VPS53: variants seen among roughly 807,000 people sequenced by gnomAD.
VPS53 encodes VPS53 subunit of GARP complex, also known as vacuolar protein sorting-associated protein 53 homolog.
In VPS53, 70 loss-of-function variants were observed where a neutral mutation model predicts 107.0. That is an observed-to-expected ratio of 0.65 (90% confidence interval 0.54 to 0.80). The LOEUF (loss-of-function observed/expected upper bound fraction) is 0.80. VPS53 is among the 30% of genes least tolerant of loss of function. The pLI is 0.00. For synonymous variants in VPS53, 409 were observed against 393.3 expected (o/e 1.04, Z -0.47); for missense variants, 917 against 1,049.4 (o/e 0.87, Z 1.74).
chr17:550,979 T>C (rs1911766354), intron 17 of VPS53, among the ~76,000 whole-genome samples: 1 of 152,148 alleles, frequency 6.6e-6, no homozygotes, highest in Non-Finnish European at 1.5e-5. Context: ...AGTCAGAAGT[T>C]ACTACTTTAA....
chr17:697,586 C>T, intron 3 of VPS53, 102 bp from the exon 4 acceptor site: 1 of 948,228 alleles, frequency 1.1e-6, no homozygotes, highest in Non-Finnish European at 1.6e-6. Context: ...CTTCTGCAGA[C>T]TGCACCTAAT....
At chr17:539,204 T>C (rs1167207519) in intron 17 of VPS53, 1 of 152,196 alleles carries the variant, frequency 6.6e-6, no homozygotes, top group East Asian at 1.9e-4. Flanking sequence ...CAGCCCTCCA[T>C]GAAAGAAGGT....
At chr17:654,903 C>CAAAT (rs1971124098) in intron 6 of VPS53, among the ~76,000 whole-genome samples, 2 of 152,160 alleles carry the variant, frequency 1.3e-5, no homozygotes, top group South Asian at 4.1e-4. Flanking sequence ...CACGAAGGAA[C>CAAAT]AAATGTGACC....
rs572475295 is a variant in VPS53, at chr17:702,565, C to T, written c.169-3185G>A. On this transcript the variant is annotated intron_variant, in intron 2 of 21. Transcript: ENST00000437048. ...CCTGTAATCCCAGCTACTCGGGAGG[C>T]TGAGGCAGGAGAACTGCTTGAACCC... Among the ~76,000 whole-genome samples, 149 of 152,178 alleles carry T rather than the reference C, an allele frequency of 9.8e-4. 1 individual carries two copies. The highest frequency in any genetic ancestry group is 3.3e-3 in the African/African-American group (139 of 41,528).
At chr17:629,824 CACACA>C (rs1160467639) in intron 8 of VPS53, among the ~76,000 whole-genome samples, 2 of 133,816 alleles carry the variant, frequency 1.5e-5, no homozygotes, top group Non-Finnish European at 3.3e-5. Context: ...CACACACACA[CACACA>C]CACACACACA....
At chr17:635,855 G>A (rs143019121) in intron 7 of VPS53, among the ~76,000 whole-genome samples, 2 of 152,076 alleles carry the variant, frequency 1.3e-5, no homozygotes, top group Non-Finnish European at 2.9e-5. Context: ...TGTTCTTTTG[G>A]CTTAAGATTG....
intron 13 of VPS53, among the ~76,000 whole-genome samples, chr17:578,705 C>G (rs750209839): frequency 6.6e-6 from 1 of 151,854 alleles, no homozygotes; most frequent in African/African-American, 2.4e-5. Context: ...GAGAACCTCC[C>G]TCAGAACCTC....
intron 2 of VPS53, among the ~76,000 whole-genome samples, chr17:702,927 C>T (rs780509111): frequency 5.3e-5 from 8 of 151,860 alleles, no homozygotes; most frequent in East Asian, 3.9e-4. Context: ...AGGCGGAGGC[C>T]GGGCATGGTG....
intron 8 of VPS53, among the ~76,000 whole-genome samples, chr17:629,300 A>G (rs1023630202): frequency 6.6e-6 from 1 of 152,208 alleles, no homozygotes; most frequent in African/African-American, 2.4e-5. Context: ...GTGACCTGAT[A>G]GAGAAGTCAT....
chr17:522,466 T>C (rs895008187), intron 19 of VPS53, among the ~76,000 whole-genome samples: 1 of 152,240 alleles, frequency 6.6e-6, no homozygotes, highest in Non-Finnish European at 1.5e-5. Flanking sequence ...AGAATCGTGA[T>C]TTAATGGCTG....
intron 12 of VPS53, among the ~76,000 whole-genome samples, chr17:597,918 T>C (rs749173078): frequency 9.2e-5 from 14 of 151,748 alleles, no homozygotes; most frequent in Non-Finnish European, 1.5e-4. Context: ...AAAAATTTCA[T>C]CTGAAAGCCC....
chr17:568,139 G>A (rs1016137300), intron 13 of VPS53, among the ~76,000 whole-genome samples: 10 of 152,172 alleles, frequency 6.6e-5, no homozygotes, highest in African/African-American at 2.4e-4. Context: ...ATTCTAATTG[G>A]AATGTCAAGC....
At chr17:562,406 C>G in intron 14 of VPS53, 97 bp downstream of exon 14, 1 of 1,541,832 alleles carries the variant, frequency 6.5e-7, no homozygotes, top group African/African-American at 1.4e-5. Flanking sequence ...CCTTGATACT[C>G]TTGGTGGTTT....
rs183484934 is a variant in VPS53 at position 596,110 on chromosome 17, C to G, written c.1218+5685G>C. On this transcript the variant is annotated intron_variant, in intron 12 of 21. Coordinates refer to ENST00000437048, the MANE Select transcript of VPS53 (RefSeq NM_001128159.3). ...CTGTACTAGGTTTATAATTTATGAG[C>G]CCATAATTATTTCAAAATATAAAGT... Among the ~76,000 whole-genome samples the G allele has an allele frequency of 6.0e-3, 918 of 152,310 alleles. 8 individuals carry two copies. The highest frequency in any genetic ancestry group is 0.01 in the Middle Eastern group (3 of 294).
chr17:647,720 A>C (rs554639624), intron 7 of VPS53, among the ~76,000 whole-genome samples: 24 of 152,302 alleles, frequency 1.6e-4, no homozygotes, highest in Admixed American at 8.5e-4. Context: ...CGTTCTGCCA[A>C]GCTCGGCAAG....
intron 1 of VPS53, among the ~76,000 whole-genome samples, chr17:711,141 T>C (rs330996): frequency 6.6e-6 from 1 of 151,802 alleles, no homozygotes; most frequent in East Asian, 1.9e-4. Flanking sequence ...GCCCAGGAGG[T>C]TGAGGTTGCA....
intron 15 of VPS53, among the ~76,000 whole-genome samples, chr17:556,473 T>G (rs141357924): frequency 2.6e-5 from 4 of 152,356 alleles, no homozygotes; most frequent in African/African-American, 9.6e-5. Flanking sequence ...AAAGTATCCT[T>G]AAAAGTGTAG....
chr17:548,774 A>G (rs992994241), intron 17 of VPS53, among the ~76,000 whole-genome samples: 2 of 152,232 alleles, frequency 1.3e-5, no homozygotes, highest in Non-Finnish European at 2.9e-5. Context: ...TGGGATGTTG[A>G]ATGAGATTGG....
intron 13 of VPS53, among the ~76,000 whole-genome samples, chr17:565,321 T>C (rs1046543900): frequency 6.8e-6 from 1 of 146,148 alleles, no homozygotes; most frequent in Non-Finnish European, 1.5e-5. Context: ...GAGAATCACT[T>C]GAACCTGGGA....
Sources: allele counts gnomAD v4.1 joint callset (sites outside exome capture counted in the v4.1 genomes callset), GRCh38; gene constraint gnomAD v4.1.1; transcripts MANE v1.5; gene names NCBI Gene and HGNC (gene_info 2026-07-23, HGNC 2026-07-21).